The following ITGA9 variants were observed in gnomAD, a reference collection of about 807,000 sequenced individuals.
The protein encoded by ITGA9 is integrin subunit alpha 9.
A neutral mutation model predicts 127.8 loss-of-function variants in ITGA9; 56 were observed. The observed-to-expected ratio is 0.44, with a 90% CI of 0.35 to 0.55. ITGA9 has a LOEUF of 0.55. ITGA9 is among the 20% of genes least tolerant of loss of function. The probability of loss-of-function intolerance (pLI) is 0.00; values close to 1 mark genes in which losing one functional copy is unlikely to be tolerated. For missense variants in ITGA9, 1,196 were observed against 1,347.1 expected (o/e 0.89, Z 1.76); for synonymous variants, 508 against 514.5 (o/e 0.99, Z 0.17).
At position 37,506,612 on chromosome 3, in the gene ITGA9, C is replaced by T. The variant is rs73826598; in HGVS notation, c.828+527C>T. On this transcript the variant is annotated intron_variant, in intron 7 of 27. Transcript: ENST00000264741. ...ATATGTGGGTCTGGCTTTCCCTAAA[C>T]TATAGTATCTGCCAAAAAACCCACC... Among the ~76,000 whole-genome samples the T allele has an allele frequency of 2.2e-3, 328 of 152,314 alleles. 2 individuals are homozygous for T. The highest frequency in any genetic ancestry group is 7.3e-3 in the African/African-American group (304 of 41,556).
chr3:37,796,454 A>G (rs1420026502), intron 26 of ITGA9, among the ~76,000 whole-genome samples: 2 of 151,384 alleles, frequency 1.3e-5, no homozygotes. Flanking sequence ...CTGCAGACAC[A>G]TTTGTTGGTT....
intron 5 of ITGA9, among the ~76,000 whole-genome samples, chr3:37,499,019 C>T (rs951553983): frequency 1.3e-5 from 2 of 152,214 alleles, no homozygotes; most frequent in Non-Finnish European, 2.9e-5. Flanking sequence ...AGCTATGTTG[C>T]CCCAAAATAT....
chr3:37,492,478 G>T (rs765379689), intron 4 of ITGA9, among the ~76,000 whole-genome samples: 1 of 152,240 alleles, frequency 6.6e-6, no homozygotes, highest in Non-Finnish European at 1.5e-5. Context: ...TTAGCTCCCA[G>T]TGAGGCTGTC....
At chr3:37,533,586 C>T (rs1699180265) in intron 14 of ITGA9, 118 bp downstream of exon 14, 1 of 943,380 alleles carries the variant, frequency 1.1e-6, no homozygotes, top group Non-Finnish European at 1.6e-6. Context: ...AGCAGGCACA[C>T]AGGCTGGACA....
chr3:37,811,283 C>A (rs1019816387), intron 27 of ITGA9, among the ~76,000 whole-genome samples: 6 of 152,222 alleles, frequency 3.9e-5, no homozygotes, highest in African/African-American at 1.4e-4. Flanking sequence ...TCCTTTCCTG[C>A]AGCTCCTGAC....
chr3:37,681,867 A>T (rs1339294708), intron 17 of ITGA9, among the ~76,000 whole-genome samples: 7 of 151,006 alleles, frequency 4.6e-5, no homozygotes, highest in Non-Finnish European at 1.0e-4. Flanking sequence ...TTCTCCTCCA[A>T]CTCCCAGTCT....
At chr3:37,701,373 G>A (rs79138784) in intron 18 of ITGA9, among the ~76,000 whole-genome samples, 1,561 of 152,282 alleles carry the variant, frequency 0.01, 23 homozygotes, top group African/African-American at 0.034. Flanking sequence ...GAAGATAGGG[G>A]GATATATTAG....
At chr3:37,704,905 AT>A (rs1293765238) in intron 18 of ITGA9, among the ~76,000 whole-genome samples, 2 of 152,148 alleles carry the variant, frequency 1.3e-5, no homozygotes, top group Non-Finnish European at 1.5e-5. Flanking sequence ...GTTTTGTTTT[AT>A]TTTAAGTCAA....
intron 24 of ITGA9, among the ~76,000 whole-genome samples, chr3:37,778,460 A>G (rs529238486): frequency 2.0e-5 from 3 of 152,230 alleles, no homozygotes; most frequent in Non-Finnish European, 4.4e-5. Context: ...TCTACTAAAA[A>G]TACAAAAATT....
At chr3:37,768,284 C>A (rs1696802020) in intron 23 of ITGA9, among the ~76,000 whole-genome samples, 1 of 152,266 alleles carries the variant, frequency 6.6e-6, no homozygotes, top group East Asian at 1.9e-4. Flanking sequence ...TCTTATTTAT[C>A]TTTCTAGAAC....
intron 1 of ITGA9, among the ~76,000 whole-genome samples, chr3:37,458,640 C>G (rs1362716487): frequency 6.6e-6 from 1 of 152,226 alleles, no homozygotes; most frequent in Non-Finnish European, 1.5e-5. Context: ...TGTGGCTGCC[C>G]TGGAGCCTGC....
chr3:37,708,731 G>A (rs1701041658), intron 18 of ITGA9, among the ~76,000 whole-genome samples: 1 of 78 alleles, frequency 0.013, no homozygotes, highest in Non-Finnish European at 0.025. Flanking sequence ...GAGAAACCCT[G>A]GATTATCCCT....
chr3:37,474,979 G>A (rs900226974), intron 3 of ITGA9, among the ~76,000 whole-genome samples: 23 of 152,244 alleles, frequency 1.5e-4, no homozygotes, highest in African/African-American at 5.5e-4. Flanking sequence ...AGAGGAGGAA[G>A]CAGCTGGATG....
chr3:37,520,816 G>A (rs1203947416), intron 11 of ITGA9, among the ~76,000 whole-genome samples: 1 of 152,182 alleles, frequency 6.6e-6, no homozygotes, highest in African/African-American at 2.4e-5. Flanking sequence ...AAGGAGCCCC[G>A]TGCTCGGGCA....
chr3:37,580,398 C>T (rs571843046), intron 15 of ITGA9, among the ~76,000 whole-genome samples: 13 of 152,296 alleles, frequency 8.5e-5, no homozygotes, highest in Non-Finnish European at 1.2e-4. Flanking sequence ...ACTTCTCAGT[C>T]GGAAAGTGTC....
At chr3:37,685,107 TG>T (rs978872103) in intron 18 of ITGA9, among the ~76,000 whole-genome samples, 1 of 152,326 alleles carries the variant, frequency 6.6e-6, no homozygotes, top group Non-Finnish European at 1.5e-5. Flanking sequence ...TATGTTAAAA[TG>T]GAACCAAAAT....
intron 17 of ITGA9, among the ~76,000 whole-genome samples, chr3:37,682,607 C>A (rs1199088414): frequency 1.3e-5 from 2 of 152,194 alleles, no homozygotes; most frequent in African/African-American, 4.8e-5. Context: ...TCCTTCAACT[C>A]CAGACTCATG....
At chr3:37,704,601 A>G (rs549997562) in intron 18 of ITGA9, among the ~76,000 whole-genome samples, 11 of 152,008 alleles carry the variant, frequency 7.2e-5, no homozygotes, top group Admixed American at 7.2e-4. Context: ...ACTGTCTCCA[A>G]CTCCACCACC....
intron 15 of ITGA9, among the ~76,000 whole-genome samples, chr3:37,582,868 T>C (rs1699723346): frequency 6.6e-6 from 1 of 152,240 alleles, no homozygotes; most frequent in Non-Finnish European, 1.5e-5. Context: ...CAAGCCTCTA[T>C]ACTTAACAAC....
Sources: allele counts gnomAD v4.1 joint callset (sites outside exome capture counted in the v4.1 genomes callset), GRCh38; gene constraint gnomAD v4.1.1; transcripts MANE v1.5; gene names NCBI Gene and HGNC (gene_info 2026-07-23, HGNC 2026-07-21).